TRAPPC9: variants seen among roughly 807,000 people sequenced by gnomAD.
The protein encoded by TRAPPC9 is IKK2 binding protein.
TRAPPC9 carries 83 observed loss-of-function variants against 124.0 expected under a neutral mutation model. The ratio of observed to expected loss-of-function variants is 0.67; its 90% CI spans 0.56 to 0.80. The LOEUF (loss-of-function observed/expected upper bound fraction) is 0.80. Among genes scored for constraint, TRAPPC9 ranks in the 30% least tolerant of loss-of-function variants. TRAPPC9 has a pLI of 0.00. For missense variants in TRAPPC9, 1,302 were observed against 1,508.3 expected (o/e 0.86, Z 2.27); for synonymous variants, 638 against 617.5 (o/e 1.03, Z -0.49).
intron 5 of TRAPPC9, among the ~76,000 whole-genome samples, chr8:140,410,994 A>T (rs961498088): frequency 1.3e-5 from 2 of 152,224 alleles, no homozygotes; most frequent in Non-Finnish European, 2.9e-5. Flanking sequence ...CAAATAACAT[A>T]ATCACACTGA....
chr8:140,352,370 G>A lies in TRAPPC9; in HGVS notation c.1495+7680C>T, dbSNP rs149392204. On this transcript the variant is annotated intron_variant, in intron 9 of 22. Transcript: ENST00000438773. ...TATGGGGAGAGAGGCACTGCATAGC[G>A]ACAGTTGTTTCGGAAGTTTAAGATG... Among the ~76,000 whole-genome samples the A allele has an allele frequency of 4.4e-4, 67 of 152,314 alleles. No homozygotes were observed. In the East Asian group the frequency reaches 7.9e-3, roughly 18 times the overall value.
intron 21 of TRAPPC9, among the ~76,000 whole-genome samples, chr8:139,856,118 G>A (rs1827784692): frequency 6.6e-6 from 1 of 152,162 alleles, no homozygotes. Context: ...CAGGGACACG[G>A]AGCACAGACT....
rs184526723 is a variant in TRAPPC9, at chr8:140,270,772, T to C, written c.2278+4886A>G. 2.7e-3 allele frequency among the ~76,000 whole-genome samples: 418 copies of C among 152,300 alleles called. 1 individual carries two copies. Among genetic ancestry groups the C allele is most frequent in the African/African-American group, 9.2e-3 (384 of 41,560 alleles). ...GAGGAAAGGGTGTGTCTATGGCAGA[T>C]GGCAGGAGCATCCAGGAAGCCAAAA... On this transcript the variant is annotated intron_variant, in intron 15 of 22. Transcript: ENST00000438773.
At chr8:140,126,096 T>C (rs2061091870) in intron 17 of TRAPPC9, among the ~76,000 whole-genome samples, 1 of 152,048 alleles carries the variant, frequency 6.6e-6, no homozygotes, top group South Asian at 2.1e-4. Flanking sequence ...CTTTACACAA[T>C]TCAAATGAGG....
At chr8:139,738,771 G>T (rs1818365155) in intron 21 of TRAPPC9, among the ~76,000 whole-genome samples, 1 of 152,214 alleles carries the variant, frequency 6.6e-6, no homozygotes, top group South Asian at 2.1e-4. Flanking sequence ...GCCCCAGTCA[G>T]CCTCAGGGCC....
chr8:139,868,094 C>A (rs1828664928), intron 21 of TRAPPC9, among the ~76,000 whole-genome samples: 1 of 152,228 alleles, frequency 6.6e-6, no homozygotes. Flanking sequence ...AGCAGTGGTT[C>A]ATGCCTGTAA....
rs959982562 is a variant in TRAPPC9, at chr8:139,742,076, T to C, written c.3056-9874A>G. On this transcript the variant is annotated intron_variant, in intron 21 of 22. Transcript: ENST00000438773. The surrounding 1 kb of genome is among the most constrained non-coding windows in gnomAD (Gnocchi z 4.7). ...TGGGTCAAATGGCAACTCTGTCTAA[T>C]GGTTTCAGGAAGCACCAGACTGTTT... Among the ~76,000 whole-genome samples, 1 of 152,182 alleles carries C rather than the reference T, an allele frequency of 6.6e-6. No homozygotes were observed. The highest frequency in any genetic ancestry group is 1.5e-5 in the Non-Finnish European group (1 of 68,032).
intron 21 of TRAPPC9, among the ~76,000 whole-genome samples, chr8:139,873,913 G>A (rs1231335115): frequency 6.6e-6 from 1 of 152,180 alleles, no homozygotes; most frequent in Non-Finnish European, 1.5e-5. Context: ...GCTGGCTCTG[G>A]GGTTAGTACC....
chr8:139,763,835 A>G (rs752028004), intron 21 of TRAPPC9, among the ~76,000 whole-genome samples: 6 of 152,236 alleles, frequency 3.9e-5, no homozygotes, highest in Non-Finnish European at 7.3e-5. Flanking sequence ...CCAGCAGGCC[A>G]GTGATGGAGC....
intron 17 of TRAPPC9, among the ~76,000 whole-genome samples, chr8:140,082,751 A>G (rs1563746883): frequency 6.6e-6 from 1 of 152,336 alleles, no homozygotes; most frequent in South Asian, 2.1e-4. Context: ...AAAATACATC[A>G]AAATGGTCTG....
At chr8:140,386,567 T>C (rs1287195450) in intron 7 of TRAPPC9, among the ~76,000 whole-genome samples, 26 of 152,234 alleles carry the variant, frequency 1.7e-4, no homozygotes, top group Non-Finnish European at 1.5e-5. Context: ...CCATTCACAA[T>C]TGCTTCAAAG....
intron 21 of TRAPPC9, among the ~76,000 whole-genome samples, chr8:139,747,549 G>C (rs1818992354): frequency 8.1e-6 from 1 of 123,262 alleles, no homozygotes; most frequent in African/African-American, 3.2e-5. Flanking sequence ...AGCAGGTAGG[G>C]GGGGCGTACA....
intron 18 of TRAPPC9, among the ~76,000 whole-genome samples, chr8:139,994,329 C>T (rs115162180): frequency 6.6e-5 from 10 of 152,290 alleles, no homozygotes; most frequent in East Asian, 3.9e-4. Flanking sequence ...TCACACTGTG[C>T]GCCTGAGGCA....
intron 15 of TRAPPC9, among the ~76,000 whole-genome samples, chr8:140,261,772 GC>G (rs1425728446): frequency 6.6e-6 from 1 of 152,118 alleles, no homozygotes; most frequent in Non-Finnish European, 1.5e-5. Flanking sequence ...GACTGTGAAT[GC>G]CCGCCCACCA....
chr8:139,905,747 A>C (rs994194559), intron 20 of TRAPPC9, among the ~76,000 whole-genome samples: 2 of 152,182 alleles, frequency 1.3e-5, no homozygotes, highest in Non-Finnish European at 2.9e-5. Context: ...TGGTTTTCAT[A>C]GTCATAATAA....
chr8:140,329,454 CACG>C (rs1424282721), intron 9 of TRAPPC9, among the ~76,000 whole-genome samples: 1 of 152,204 alleles, frequency 6.6e-6, no homozygotes, highest in African/African-American at 2.4e-5. Context: ...TTCAAGCACA[CACG>C]ACAACGGTCT....
chr8:139,983,807 C>T (rs971334345), intron 19 of TRAPPC9, among the ~76,000 whole-genome samples: 11 of 152,244 alleles, frequency 7.2e-5, no homozygotes, highest in African/African-American at 2.6e-4. Context: ...GCTCCAGCAT[C>T]GTCTCCCCTT....
chr8:139,769,695 G>A (rs1820821297), intron 21 of TRAPPC9, among the ~76,000 whole-genome samples: 1 of 152,184 alleles, frequency 6.6e-6, no homozygotes, highest in African/African-American at 2.4e-5. Context: ...GAATAGTAAT[G>A]ATCCAAAGGC....
intron 9 of TRAPPC9, among the ~76,000 whole-genome samples, chr8:140,338,043 T>C (rs147452278): frequency 2.0e-5 from 3 of 152,316 alleles, no homozygotes; most frequent in East Asian, 1.9e-4. Flanking sequence ...CCAAGGAATA[T>C]GCCATTTCTT....
Sources: gnomAD v4.1 joint callset for allele counts (sites outside exome capture counted in the v4.1 genomes callset) on GRCh38, gnomAD v4.1.1 for gene constraint, Gnocchi (gnomAD v3.1) non-coding constraint, MANE v1.5 for transcripts, NCBI Gene and HGNC (gene_info 2026-07-23, HGNC 2026-07-21) for gene names.